PIK3C2G: variants seen among roughly 807,000 people sequenced by gnomAD.
PIK3C2G encodes phosphatidylinositol 3-kinase C2 domain-containing subunit gamma.
In PIK3C2G, 168 loss-of-function variants were observed where a neutral mutation model predicts 181.1. The observed-to-expected ratio is 0.93, with a 90% CI of 0.82 to 1.05. The LOEUF is 1.05. Ranked by LOEUF, PIK3C2G falls within the 50% of genes least tolerant of loss-of-function variation. The pLI is 0.00. For synonymous variants in PIK3C2G, 573 were observed against 592.2 expected, an observed-to-expected ratio of 0.97 and a Z score of 0.47; for missense variants, 1,869 against 1,732.8, an observed-to-expected ratio of 1.08 and a Z score of -1.40.
At chr12:18,374,868 C>A (rs967597334) in intron 13 of PIK3C2G, among the ~76,000 whole-genome samples, 3 of 152,136 alleles carry the variant, frequency 2.0e-5, no homozygotes, top group African/African-American at 4.8e-5. Context: ...ATGTGAGACA[C>A]CTGCTCCTCC....
intron 24 of PIK3C2G, among the ~76,000 whole-genome samples, chr12:18,516,956 A>G (rs1942590278): frequency 6.6e-6 from 1 of 151,324 alleles, no homozygotes; most frequent in East Asian, 1.9e-4. Flanking sequence ...GACATTTTAT[A>G]GAACTTCAAT....
At chr12:18,358,079 A>AAG (rs1338306492) in intron 11 of PIK3C2G, among the ~76,000 whole-genome samples, 1 of 152,196 alleles carries the variant, frequency 6.6e-6, no homozygotes, top group Non-Finnish European at 1.5e-5. Context: ...ATAGCTCTTC[A>AAG]AGATCTTAAT....
intron 31 of PIK3C2G, among the ~76,000 whole-genome samples, chr12:18,639,129 T>A (rs1006144906): frequency 1.3e-5 from 2 of 152,052 alleles, no homozygotes; most frequent in African/African-American, 2.4e-5. Context: ...TCTTAACATA[T>A]TGACAAATGA....
chr12:18,258,697 A>G (rs1948173442), upstream of PIK3C2G, among the ~76,000 whole-genome samples: 1 of 151,310 alleles, frequency 6.6e-6, no homozygotes, highest in African/African-American at 2.4e-5. Context: ...TGAATCTCTC[A>G]TCTATGTTGA....
intron 26 of PIK3C2G, among the ~76,000 whole-genome samples, chr12:18,553,904 A>AATACT (rs1944864569): frequency 6.6e-6 from 1 of 152,064 alleles, no homozygotes; most frequent in African/African-American, 2.4e-5. Flanking sequence ...ATATTTGCTT[A>AATACT]ATACTATTTA....
intron 16 of PIK3C2G, among the ~76,000 whole-genome samples, chr12:18,402,288 G>A (rs1288814973): frequency 1.3e-5 from 2 of 152,096 alleles, no homozygotes; most frequent in Non-Finnish European, 2.9e-5. Flanking sequence ...ACCACATATG[G>A]TATGATTCCA....
At chr12:18,613,975 G>A (rs564326708) in intron 31 of PIK3C2G, among the ~76,000 whole-genome samples, 1 of 152,156 alleles carries the variant, frequency 6.6e-6, no homozygotes, top group Admixed American at 6.6e-5. Context: ...AAAACAACAT[G>A]TTCTGCATAT....
intron 31 of PIK3C2G, among the ~76,000 whole-genome samples, chr12:18,620,129 C>T (rs1233553454): frequency 6.6e-6 from 1 of 152,064 alleles, no homozygotes; most frequent in East Asian, 1.9e-4. Context: ...TCCTGTTAAA[C>T]GGAGGGGTCT....
chr12:18,394,297 C>T (rs1056192772), intron 15 of PIK3C2G, among the ~76,000 whole-genome samples: 1 of 152,030 alleles, frequency 6.6e-6, no homozygotes, highest in Non-Finnish European at 1.5e-5. Context: ...GAACTGTCTA[C>T]TAAAAAAAAT....
chr12:18,413,737 G>A (rs1945004420), intron 16 of PIK3C2G, among the ~76,000 whole-genome samples: 1 of 152,076 alleles, frequency 6.6e-6, no homozygotes, highest in Non-Finnish European at 1.5e-5. Context: ...GCTAAAGAGT[G>A]TCTCCTGGTA....
intron 29 of PIK3C2G, among the ~76,000 whole-genome samples, chr12:18,591,470 A>G (rs906889286): frequency 6.6e-6 from 1 of 151,890 alleles, no homozygotes; most frequent in African/African-American, 2.4e-5. Flanking sequence ...AAAAGAGAAC[A>G]TGACAAACCC....
intron 16 of PIK3C2G, among the ~76,000 whole-genome samples, chr12:18,400,286 A>T (rs78426992): frequency 0.011 from 1,698 of 152,264 alleles, 30 homozygotes; most frequent in African/African-American, 0.039. Context: ...AAAAAAATCT[A>T]TTCCTTGCAT....
intron 31 of PIK3C2G, among the ~76,000 whole-genome samples, chr12:18,616,916 ATTTTAT>A (rs927005730): frequency 6.6e-6 from 1 of 152,162 alleles, no homozygotes; most frequent in Non-Finnish European, 1.5e-5. Flanking sequence ...AGATTTAAAA[ATTTTAT>A]TTTTATCCAG....
intron 13 of PIK3C2G, among the ~76,000 whole-genome samples, chr12:18,380,188 T>TC (rs1283282983): frequency 6.6e-6 from 1 of 152,170 alleles, no homozygotes; most frequent in Admixed American, 6.5e-5. Context: ...GACGCCTATG[T>TC]CCGCCGTGCT....
chr12:18,614,505 T>C (rs182387324), intron 31 of PIK3C2G, among the ~76,000 whole-genome samples: 1 of 152,280 alleles, frequency 6.6e-6, no homozygotes, highest in Non-Finnish European at 1.5e-5. Context: ...ACCAAGCTAA[T>C]TGTGTCTGCA....
chr12:18,414,085 A>G (rs1945028777), intron 16 of PIK3C2G, among the ~76,000 whole-genome samples: 1 of 152,176 alleles, frequency 6.6e-6, no homozygotes, highest in Admixed American at 6.6e-5. Context: ...AGTTAAGCAT[A>G]AATTCTCCAG....
chr12:18,564,420 A>C (rs1945510965), intron 28 of PIK3C2G, among the ~76,000 whole-genome samples: 1 of 151,010 alleles, frequency 6.6e-6, no homozygotes, highest in African/African-American at 2.4e-5. Flanking sequence ...TTTACCTGGC[A>C]TACTTGATAC....
rs187559260 is a variant in PIK3C2G at position 18,618,445 on chromosome 12, G to C, written c.4182+8816G>C. On this transcript the variant is annotated intron_variant, in intron 31 of 32. Coordinates refer to ENST00000538779, the MANE Select transcript of PIK3C2G (RefSeq NM_001288772.2). ...TTTGAACACCTAAAAACAAAAGTTAGAACAGAATTTATATTCCTAATATAA... is the reference window on the plus strand; with the variant it reads ...TTTGAACACCTAAAAACAAAAGTTACAACAGAATTTATATTCCTAATATAA... Among the ~76,000 whole-genome samples the C allele has an allele frequency of 4.6e-5, 7 of 152,234 alleles. No homozygotes were observed. In the East Asian group the frequency reaches 1.4e-3, roughly 29 times the overall value.
chr12:18,414,751 T>C (rs1392506267), intron 16 of PIK3C2G, among the ~76,000 whole-genome samples: 1 of 152,222 alleles, frequency 6.6e-6, no homozygotes, highest in Non-Finnish European at 1.5e-5. Context: ...CATGTTGACC[T>C]ATATTGCCAA....
Sources: allele counts gnomAD v4.1 joint callset (sites outside exome capture counted in the v4.1 genomes callset), GRCh38; gene constraint gnomAD v4.1.1; transcripts MANE v1.5; gene names NCBI Gene and HGNC (gene_info 2026-07-23, HGNC 2026-07-21).